Variants in LRFN5 observed in about 807,000 individuals in gnomAD.
LRFN5 encodes the protein leucine rich repeat and fibronectin type III domain containing 5.
Under a neutral mutation model 45.6 loss-of-function variants are expected in LRFN5, and 24 were observed. The ratio of observed to expected loss-of-function variants is 0.53; its 90% CI spans 0.38 to 0.74. The LOEUF (loss-of-function observed/expected upper bound fraction) is 0.74. Among genes scored for constraint, LRFN5 ranks in the 30% least tolerant of loss-of-function variants. LRFN5 has a pLI of 0.00. For synonymous variants in LRFN5, 340 were observed against 313.8 expected (o/e 1.08, Z -0.88); for missense variants, 776 against 861.5 (o/e 0.90, Z 1.24).
rs1190054164 is a variant in LRFN5, at chr14:41,704,442, C to CTGTGTGTGTGTGTGTGTGTG, written c.-196-62411_-196-62410insGTGTGTGTGTGTGTGTGTGT. 1.6e-3 allele frequency among the ~76,000 whole-genome samples: 210 copies of CTGTGTGTGTGTGTGTGTGTG among 127,782 alleles called. 1 individual carries two copies. The highest frequency in any genetic ancestry group is 6.7e-3 in the African/African-American group (190 of 28,374). The allele number at this position is 127,782 out of a possible 152,430, so 83.8% of individuals were successfully genotyped here. A position where few individuals can be genotyped will look rare whatever the true frequency, so the allele number is the denominator to read the frequency against. ...TCTCTCTCTCTCTCTCTCTCTCTCT[C>CTGTGTGTGTGTGTGTGTGTG]TCTCTCTGTGTGTGTGTGTCTGTGA... On this transcript the variant is annotated intron_variant, in intron 1 of 5. Coordinates refer to ENST00000298119, the MANE Select transcript of LRFN5 (RefSeq NM_152447.5).
At chr14:41,782,381 T>C (rs1350766383) in intron 2 of LRFN5, among the ~76,000 whole-genome samples, 2 of 152,178 alleles carry the variant, frequency 1.3e-5, no homozygotes, top group Non-Finnish European at 2.9e-5. Context: ...ACTCTTTCTT[T>C]TGATTCTTTC....
At chr14:41,618,753 T>C (rs1405178530) in intron 1 of LRFN5, among the ~76,000 whole-genome samples, 1 of 152,142 alleles carries the variant, frequency 6.6e-6, no homozygotes, top group Admixed American at 6.6e-5. Flanking sequence ...ACCATACCTC[T>C]CTAGAAAAAA....
chr14:41,805,707 G>A (rs927388744), intron 2 of LRFN5, among the ~76,000 whole-genome samples: 1 of 151,982 alleles, frequency 6.6e-6, no homozygotes, highest in East Asian at 1.9e-4. Context: ...ATCATTCTCA[G>A]TAAACTATCG....
At chr14:41,800,418 G>A (rs541093363) in intron 2 of LRFN5, among the ~76,000 whole-genome samples, 29 of 151,884 alleles carry the variant, frequency 1.9e-4, no homozygotes, top group African/African-American at 6.3e-4. Flanking sequence ...TGAGAAATTT[G>A]TATTAACATA....
chr14:41,752,940 G>T (rs1885203140), intron 1 of LRFN5, among the ~76,000 whole-genome samples: 1 of 152,104 alleles, frequency 6.6e-6, no homozygotes, highest in Non-Finnish European at 1.5e-5. Context: ...ATTAATTTTT[G>T]TATAAGGTGT....
At chr14:41,741,604 G>A (rs1035260482) in intron 1 of LRFN5, among the ~76,000 whole-genome samples, 9 of 151,664 alleles carry the variant, frequency 5.9e-5, no homozygotes, top group African/African-American at 2.2e-4. Context: ...AGAAGAAAAT[G>A]TAGGGTAAAA....
At chr14:41,787,503 T>C (rs1021780384) in intron 2 of LRFN5, among the ~76,000 whole-genome samples, 1 of 113,324 alleles carries the variant, frequency 8.8e-6, no homozygotes, top group African/African-American at 3.0e-5. Flanking sequence ...ATATAGCACT[T>C]TTTTTGTCTT....
chr14:41,633,203 C>A (rs1888610519), intron 1 of LRFN5, among the ~76,000 whole-genome samples: 1 of 151,800 alleles, frequency 6.6e-6, no homozygotes, highest in African/African-American at 2.4e-5. Flanking sequence ...TGTAGATATT[C>A]AGATTAAATT....
intron 1 of LRFN5, among the ~76,000 whole-genome samples, chr14:41,731,180 C>T (rs891725349): frequency 6.6e-6 from 1 of 152,036 alleles, no homozygotes; most frequent in South Asian, 2.1e-4. Context: ...GTCTTCGTCA[C>T]TCTATTTTCC....
At chr14:41,844,333 A>T (rs1412705005) in intron 2 of LRFN5, among the ~76,000 whole-genome samples, 1 of 151,618 alleles carries the variant, frequency 6.6e-6, no homozygotes, top group Non-Finnish European at 1.5e-5. Context: ...GCTACTCGGG[A>T]GGCTGAGGCA....
chr14:41,631,758 A>G lies in LRFN5; in HGVS notation c.-197+23196A>G, dbSNP rs531316854. Among the ~76,000 whole-genome samples, 7 of 152,288 alleles carry G rather than the reference A, an allele frequency of 4.6e-5. No homozygotes were observed. The South Asian group carries it at 1.2e-3, about 27-fold the overall frequency. On this transcript the variant is annotated intron_variant, in intron 1 of 5. Coordinates refer to ENST00000298119, the MANE Select transcript of LRFN5 (RefSeq NM_152447.5). ...AGAGCCTGAGAGAGGAGTGAGTTCA[A>G]GAACCTTGGGGCAGAAGCAAGCTTA... is the stretch of plus-strand genomic sequence containing the variant.
chr14:41,806,989 G>A (rs1887547599), intron 2 of LRFN5, among the ~76,000 whole-genome samples: 1 of 152,072 alleles, frequency 6.6e-6, no homozygotes, highest in Non-Finnish European at 1.5e-5. Flanking sequence ...CTCTAGAGAA[G>A]TAACTACACT....
At chr14:41,773,041 A>G (rs141072128) in intron 2 of LRFN5, among the ~76,000 whole-genome samples, 26 of 152,292 alleles carry the variant, frequency 1.7e-4, no homozygotes, top group African/African-American at 4.8e-4. Context: ...TACAAAACAC[A>G]AAATTGAGAT....
chr14:41,709,207 T>C (rs1883188833), intron 1 of LRFN5, among the ~76,000 whole-genome samples: 1 of 152,018 alleles, frequency 6.6e-6, no homozygotes, highest in East Asian at 1.9e-4. Flanking sequence ...TTATTTTATT[T>C]TATATCTGTT....
chr14:41,827,206 G>C (rs1594444539), intron 2 of LRFN5, among the ~76,000 whole-genome samples: 2 of 152,058 alleles, frequency 1.3e-5, no homozygotes, highest in Middle Eastern at 6.8e-3. Context: ...TGAAGCTGAG[G>C]GTCATTTAGA....
At chr14:41,708,172 T>C (rs1289760641) in intron 1 of LRFN5, among the ~76,000 whole-genome samples, 2 of 152,004 alleles carry the variant, frequency 1.3e-5, no homozygotes, top group African/African-American at 4.8e-5. Context: ...ACATTTCTCT[T>C]AGGGATTATA....
At chr14:41,898,881 AT>A in intron 4 of LRFN5, 35 bp from the exon 5 acceptor site, 1 of 1,586,308 alleles carries the variant, frequency 6.3e-7, no homozygotes, top group Admixed American at 1.8e-5. Flanking sequence ...TTTTAAAAAA[AT>A]GAATTGTTTA....
intron 2 of LRFN5, among the ~76,000 whole-genome samples, chr14:41,840,317 T>C (rs1566476391): frequency 6.6e-6 from 1 of 152,060 alleles, no homozygotes; most frequent in African/African-American, 2.4e-5. Flanking sequence ...ACTTCACATC[T>C]CTAAAACTCT....
chr14:41,654,911 A>G (rs1278484043), intron 1 of LRFN5, among the ~76,000 whole-genome samples: 1 of 152,064 alleles, frequency 6.6e-6, no homozygotes, highest in Admixed American at 6.6e-5. Flanking sequence ...GTTAGGTGCT[A>G]CGCTCTGCAA....
Sources: allele counts gnomAD v4.1 joint callset (sites outside exome capture counted in the v4.1 genomes callset), GRCh38; gene constraint gnomAD v4.1.1; transcripts MANE v1.5; gene names NCBI Gene and HGNC (gene_info 2026-07-23, HGNC 2026-07-21).